The following COL9A1 variants were observed in gnomAD, a reference collection of about 807,000 sequenced individuals.
The protein encoded by COL9A1 is collagen type IX alpha 1 chain.
COL9A1 carries 104 observed loss-of-function variants against 142.6 expected under a neutral mutation model. The observed-to-expected ratio is 0.73, with a 90% CI of 0.62 to 0.86. COL9A1 has a LOEUF of 0.86. Among genes scored for constraint, COL9A1 ranks in the 40% least tolerant of loss-of-function variants. The pLI is 0.00. For missense variants in COL9A1, 1,210 were observed against 1,176.6 expected (o/e 1.03, Z -0.42); for synonymous variants, 466 against 396.0 (o/e 1.18, Z -2.10).
chr6:70,217,556 G>A (rs1405778921), intron 37 of COL9A1, among the ~76,000 whole-genome samples: 1 of 152,152 alleles, frequency 6.6e-6, no homozygotes, highest in African/African-American at 2.4e-5. Context: ...TAAAATTAAT[G>A]TCACTTGATT....
chr6:70,239,345 A>G, intron 32 of COL9A1, 59 bp from the exon 33 acceptor site: 1 of 1,143,330 alleles, frequency 8.7e-7, no homozygotes, highest in Non-Finnish European at 1.3e-6. Context: ...TAATTTCCTG[A>G]AAACACTTTA....
intron 2 of COL9A1, 74 bp from the exon 3 acceptor site, chr6:70,300,460 A>T (rs1028887040): frequency 3.7e-6 from 2 of 535,740 alleles, no homozygotes; most frequent in Non-Finnish European, 5.7e-6. Context: ...AATAAAATAA[A>T]ATAATAATAA....
At chr6:70,242,476 A>AT (rs1220264316) in intron 29 of COL9A1, among the ~76,000 whole-genome samples, 186 bp downstream of exon 29, 1 of 152,246 alleles carries the variant, frequency 6.6e-6, no homozygotes, top group Non-Finnish European at 1.5e-5. Flanking sequence ...AACCACGCAG[A>AT]TTAAAATACC....
chr6:70,280,941 C>G, intron 9 of COL9A1, 63 bp downstream of exon 9: 1 of 1,612,722 alleles, frequency 6.2e-7, no homozygotes, highest in African/African-American at 1.3e-5. Context: ...CCTTCAGAAA[C>G]AGGGGGCTGC....
chr6:70,274,655 C>T, intron 11 of COL9A1, 64 bp downstream of exon 11: 1 of 1,334,816 alleles, frequency 7.5e-7, no homozygotes, highest in East Asian at 2.3e-5. Context: ...GGCTTGCAAA[C>T]ACTGCAATAA....
chr6:70,243,189 G>A (rs556341678), intron 28 of COL9A1, among the ~76,000 whole-genome samples: 1 of 152,138 alleles, frequency 6.6e-6, no homozygotes, highest in Non-Finnish European at 1.5e-5. Flanking sequence ...AGATATGTTT[G>A]CCTTTAAATT....
At position 70,294,557 on chromosome 6, in the gene COL9A1, T is replaced by C; in HGVS notation, c.306A>G (p.Leu102=). The change falls in exon 5 of 38, where the codon TTA becomes TTG. Residue 102 remains leucine, a synonymous_variant. Coordinates refer to ENST00000357250, the MANE Select transcript of COL9A1 (RefSeq NM_001851.6). The stretch of plus-strand genomic sequence containing the variant: ...ATTCTTCAGGCAGTCCACTGGGATA[T>C]AAATTCCTGAGTAAAATTTTTAAAT... ...NVDFRIPTRN[L]YPSGLPEEYS... 3 of 1,613,920 alleles carry C rather than the reference T, an allele frequency of 1.9e-6. No homozygotes were observed. Among genetic ancestry groups the C allele is most frequent in the Non-Finnish European group, 2.5e-6 (3 of 1,179,862 alleles).
At chr6:70,287,092 G>A (rs765682693) in intron 5 of COL9A1, among the ~76,000 whole-genome samples, 10 of 151,964 alleles carry the variant, frequency 6.6e-5, no homozygotes, top group Admixed American at 2.0e-4. Flanking sequence ...TATAACACGC[G>A]CATATATGTG....
intron 37 of COL9A1, among the ~76,000 whole-genome samples, chr6:70,217,808 C>A (rs1398681935): frequency 6.6e-6 from 1 of 152,166 alleles, no homozygotes; most frequent in Non-Finnish European, 1.5e-5. Context: ...ACTAATCTCT[C>A]AGTTTCTTCA....
intron 18 of COL9A1, among the ~76,000 whole-genome samples, chr6:70,266,314 C>T (rs1044577717): frequency 3.3e-5 from 5 of 152,264 alleles, no homozygotes; most frequent in Non-Finnish European, 5.9e-5. Context: ...CAATTACCAA[C>T]TTCTCTGTTT....
At chr6:70,287,132 C>T (rs1299130540) in intron 5 of COL9A1, among the ~76,000 whole-genome samples, 4 of 152,036 alleles carry the variant, frequency 2.6e-5, no homozygotes, top group Admixed American at 2.6e-4. Flanking sequence ...GGCCCTGAAG[C>T]CCCACTTCTG....
intron 28 of COL9A1, among the ~76,000 whole-genome samples, chr6:70,247,291 T>C (rs1388678885): frequency 6.6e-6 from 1 of 152,248 alleles, no homozygotes; most frequent in Non-Finnish European, 1.5e-5. Flanking sequence ...AGCTAAATAA[T>C]TCAAGTTGGA....
intron 19 of COL9A1, among the ~76,000 whole-genome samples, chr6:70,262,647 A>G (rs1397771317): frequency 6.6e-6 from 1 of 152,228 alleles, no homozygotes; most frequent in Non-Finnish European, 1.5e-5. Flanking sequence ...TAACAACTCC[A>G]TTTTAATGTA....
At chr6:70,243,719 G>A (rs1583243112) in intron 28 of COL9A1, among the ~76,000 whole-genome samples, 2 of 152,242 alleles carry the variant, frequency 1.3e-5, no homozygotes, top group Middle Eastern at 6.8e-3. Context: ...GTAGAGACCG[G>A]GTTTCGCCAT....
chr6:70,233,499 C>T (rs1029990179), intron 35 of COL9A1, among the ~76,000 whole-genome samples: 1 of 152,120 alleles, frequency 6.6e-6, no homozygotes, highest in Non-Finnish European at 1.5e-5. Context: ...CCCATGAAAA[C>T]ATTCTAAGGG....
chr6:70,300,382 G>C lies in COL9A1; in HGVS notation c.93C>G (p.Phe31Leu). 1 of 1,609,100 alleles carries C rather than the reference G, an allele frequency of 6.2e-7. No individual in the cohort carries two copies. Among genetic ancestry groups the C allele is most frequent in the Non-Finnish European group, 8.5e-7 (1 of 1,176,060 alleles). Residue 31 changes from phenylalanine to leucine, a missense_variant, in exon 3 of 38, where the codon TTC becomes TTG. Physicochemically the swap from Phe to Leu is conservative, Grantham distance 22. Transcript: ENST00000357250. ...CACCATTAGAATTGGAATTGACAGG[G>C]AATCCTGCAAAAGAGATAGCATGTC... ...ASAAVKRRPR[F>L]PVNSNSNGGN...
chr6:70,277,484 G>T (rs956242983), intron 10 of COL9A1, among the ~76,000 whole-genome samples: 1 of 152,082 alleles, frequency 6.6e-6, no homozygotes, highest in South Asian at 2.1e-4. Flanking sequence ...AATAAAAGAA[G>T]AAAACATTAC....
Position 70,270,631 on chromosome 6 carries a change from A to G in COL9A1, c.1144-264T>C, listed in dbSNP as rs16868852. 0.037 allele frequency among the ~76,000 whole-genome samples: 5,565 copies of G among 152,324 alleles called. 329 individuals are homozygous for G. Among genetic ancestry groups the G allele is most frequent in the African/African-American group, 0.12 (5,068 of 41,546 alleles). ...AAAGCAAAGCCAATTCTTCTCTATCAGACAAACATTTTATCTACTCTGAAA... is the reference window on the plus strand; with the variant it reads ...AAAGCAAAGCCAATTCTTCTCTATCGGACAAACATTTTATCTACTCTGAAA... On this transcript the variant is annotated intron_variant, in intron 14 of 37. Coordinates refer to ENST00000357250, the MANE Select transcript of COL9A1 (RefSeq NM_001851.6).
rs1184031446 is a variant in COL9A1, at chr6:70,242,649, C to A, written c.1926+13G>T. ...TTTCGTAGAAGGCAAATAAACGAAA[C>A]TTTTCTACTTACCAGTTTACCTGGT... On this transcript the variant is annotated intron_variant, in intron 29 of 37. Coordinates refer to ENST00000357250, the MANE Select transcript of COL9A1 (RefSeq NM_001851.6). 4 of 1,613,246 alleles carry A rather than the reference C, an allele frequency of 2.5e-6. No homozygotes were observed. Among genetic ancestry groups the A allele is most frequent in the Non-Finnish European group, 2.5e-6 (3 of 1,179,236 alleles).
Sources: gnomAD v4.1 joint callset for allele counts (sites outside exome capture counted in the v4.1 genomes callset) on GRCh38, gnomAD v4.1.1 for gene constraint, MANE v1.5 for transcripts, NCBI Gene and HGNC (gene_info 2026-07-23, HGNC 2026-07-21) for gene names.